LTBP1: variants seen among roughly 807,000 people sequenced by gnomAD.
LTBP1 encodes latent transforming growth factor beta binding protein 1, also known as latent-transforming growth factor beta-binding protein 1.
A neutral mutation model predicts 207.6 loss-of-function variants in LTBP1; 129 were observed. That is an observed-to-expected ratio of 0.62 (90% confidence interval 0.54 to 0.72). LTBP1 has a LOEUF of 0.72. Ranked by LOEUF, LTBP1 falls within the 30% of genes least tolerant of loss-of-function variation. The probability of loss-of-function intolerance (pLI) is 0.00; values close to 1 mark genes in which losing one functional copy is unlikely to be tolerated. For synonymous variants in LTBP1, 963 were observed against 833.7 expected (o/e 1.16, Z -2.67); for missense variants, 2,281 against 2,217.2 (o/e 1.03, Z -0.58).
rs182555716 is a variant in LTBP1 at position 33,189,003 on chromosome 2, G to A, written c.1701+152G>A. On this transcript the variant is annotated intron_variant, in intron 7 of 33. Transcript: ENST00000404816. ...ATATTTTTGTAAATAAAGTTTTATTGCCACACTCATAGCCACACTTATTCA... is the reference window on the plus strand; with the variant it reads ...ATATTTTTGTAAATAAAGTTTTATTACCACACTCATAGCCACACTTATTCA... The A allele has an allele frequency of 6.9e-5, 59 of 850,980 alleles. No individual in the cohort carries two copies. The Admixed American group carries it at 1.7e-3, about 24-fold the overall frequency. 52.7% of individuals were successfully genotyped at this position (850,980 alleles called of 1,614,324 possible). A position where few individuals can be genotyped will look rare whatever the true frequency, so the allele number is the denominator to read the frequency against.
At chr2:33,003,274 G>A (rs773338610) in intron 2 of LTBP1, among the ~76,000 whole-genome samples, 7 of 152,216 alleles carry the variant, frequency 4.6e-5, no homozygotes, top group Non-Finnish European at 1.0e-4. Context: ...ATTTGCAAGA[G>A]TAATTTTGAC....
chr2:32,971,980 C>T (rs1382463369), intron 2 of LTBP1, among the ~76,000 whole-genome samples: 2 of 152,164 alleles, frequency 1.3e-5, no homozygotes, highest in South Asian at 2.1e-4. Flanking sequence ...TTTCAGAACT[C>T]GTTTTTGGTC....
Position 33,134,466 on chromosome 2 carries a change from A to C in LTBP1, c.1034-327A>C. ...CTCTTTAATCTGTCGTGCCCTCGGT[A>C]TTGCTCTTTGTCTGCCCGTGAATAA... On this transcript the variant is annotated intron_variant, in intron 4 of 33. Coordinates refer to ENST00000404816, the MANE Select transcript of LTBP1 (RefSeq NM_206943.4). The surrounding 1 kb of genome is among the most constrained non-coding windows in gnomAD (Gnocchi z 4.4). The C allele has an allele frequency of 9.7e-7, 1 of 1,028,944 alleles. No homozygotes were observed. Among genetic ancestry groups the C allele is most frequent in the Non-Finnish European group, 1.4e-6 (1 of 713,142 alleles). 63.7% of individuals were successfully genotyped at this position (1,028,944 alleles called of 1,614,324 possible). A position where few individuals can be genotyped will look rare whatever the true frequency, so the allele number is the denominator to read the frequency against.
At chr2:33,353,984 C>T (rs977732723) in intron 26 of LTBP1, among the ~76,000 whole-genome samples, 7 of 151,940 alleles carry the variant, frequency 4.6e-5, no homozygotes, top group Non-Finnish European at 8.8e-5. Context: ...CTCAGCCTCC[C>T]GAGTAGCTGG....
intron 5 of LTBP1, among the ~76,000 whole-genome samples, chr2:33,148,290 T>G (rs1042303020): frequency 6.6e-6 from 1 of 152,246 alleles, no homozygotes; most frequent in Non-Finnish European, 1.5e-5. Flanking sequence ...TACACTTGAA[T>G]TAATTGAATG....
chr2:33,224,635 A>T (rs2091330918), intron 9 of LTBP1, among the ~76,000 whole-genome samples: 1 of 152,174 alleles, frequency 6.6e-6, no homozygotes, highest in Non-Finnish European at 1.5e-5. Flanking sequence ...ATTTCCCATT[A>T]CTACTTTGTG....
At chr2:33,053,159 C>A (rs939344059) in intron 3 of LTBP1, among the ~76,000 whole-genome samples, 1 of 152,204 alleles carries the variant, frequency 6.6e-6, no homozygotes, top group African/African-American at 2.4e-5. Context: ...GCGTAAGCCA[C>A]CGCGCCTGGC....
intron 31 of LTBP1, among the ~76,000 whole-genome samples, chr2:33,378,183 A>ATGTGTGTGTGTGTG (rs1196073958): frequency 0.015 from 2,006 of 136,084 alleles, 21 homozygotes; most frequent in Non-Finnish European, 0.023. Flanking sequence ...ATATATATAT[A>ATGTGTGTGTGTGTG]TATGTGTGTG....
chr2:33,177,466 A>G (rs13404181), intron 5 of LTBP1, among the ~76,000 whole-genome samples: 8,501 of 152,228 alleles, frequency 0.056, 769 homozygotes, highest in African/African-American at 0.19. Flanking sequence ...CCTGGCCAAC[A>G]TGGTGAAACC....
chr2:33,265,202 TG>T (rs1217022243), intron 15 of LTBP1, among the ~76,000 whole-genome samples: 1 of 152,202 alleles, frequency 6.6e-6, no homozygotes, highest in African/African-American at 2.4e-5. Context: ...CAGAAATATG[TG>T]ATCAGCTATC....
At chr2:33,368,259 G>A (rs558824488) in intron 31 of LTBP1, among the ~76,000 whole-genome samples, 47 of 152,176 alleles carry the variant, frequency 3.1e-4, no homozygotes, top group African/African-American at 1.1e-3. Flanking sequence ...AGCCTTTATG[G>A]AAAACAGTAT....
In LTBP1 at chr2:33,303,352, C is replaced by CTTTTTTT. The variant is rs762959638; in HGVS notation, c.3481+1718_3481+1724dup. Among the ~76,000 whole-genome samples, 7 of 132,944 alleles carry CTTTTTTT rather than the reference C, an allele frequency of 5.3e-5. No individual in the cohort carries two copies. The East Asian group carries it at 1.5e-3, about 29-fold the overall frequency. 87.2% of individuals were successfully genotyped at this position (132,944 alleles called of 152,430 possible). A position where few individuals can be genotyped will look rare whatever the true frequency, so the allele number is the denominator to read the frequency against. ...GATCATCAGGCATTAGTTAGATTTT[C>CTTTTTTT]TTTTTTTTTTTTTTTTGAGACGGAA... On this transcript the variant is annotated intron_variant, in intron 22 of 33. Transcript: ENST00000404816.
At chr2:33,058,807 A>G (rs978865563) in intron 3 of LTBP1, among the ~76,000 whole-genome samples, 2 of 152,200 alleles carry the variant, frequency 1.3e-5, no homozygotes, top group Non-Finnish European at 2.9e-5. Flanking sequence ...TCTTTTGAGA[A>G]TGGTACCTTA....
rs775831670 is a variant in LTBP1 at position 33,315,177 on chromosome 2, G to A, written c.3638G>A (p.Gly1213Asp). 5 of 1,610,782 alleles carry A rather than the reference G, an allele frequency of 3.1e-6. No homozygotes were observed. In the South Asian group the frequency reaches 4.4e-5, roughly 14 times the overall value. Residue 1213 changes from glycine (G) to aspartate (D), a missense_variant, in exon 24 of 34, where the codon GGT becomes GAT. Gly to Asp is a moderately conservative substitution (Grantham distance 94). Coordinates refer to ENST00000404816, the MANE Select transcript of LTBP1 (RefSeq NM_206943.4). The part of the protein sequence containing the change: ...INECEHPGLC[G>D]PQGECLNTEG... ...GAATGTGAACATCCAGGGCTCTGTGGTCCGCAAGGGGAGTGCCTAAACACA... is the reference window on the plus strand; with the variant it reads ...GAATGTGAACATCCAGGGCTCTGTGATCCGCAAGGGGAGTGCCTAAACACA...
At chr2:33,088,460 A>G (rs1409810567) in intron 3 of LTBP1, among the ~76,000 whole-genome samples, 12 of 149,810 alleles carry the variant, frequency 8.0e-5, no homozygotes, top group Admixed American at 6.7e-4. Flanking sequence ...TCAAAAAAAG[A>G]AAAAAAAAAG....
At chr2:33,156,167 C>T (rs1000794572) in intron 5 of LTBP1, among the ~76,000 whole-genome samples, 7 of 152,114 alleles carry the variant, frequency 4.6e-5, no homozygotes, top group Non-Finnish European at 8.8e-5. Context: ...AAACTAAGGC[C>T]CGAAGAGGTT....
At chr2:33,317,592 G>A (rs561831526) in intron 24 of LTBP1, 1 of 152,344 alleles carries the variant, frequency 6.6e-6, no homozygotes. Context: ...TGAGGCTGAT[G>A]TGTGATTGAA....
rs78320223 is a variant in LTBP1, at chr2:33,141,122, G to A, written c.1201+6162G>A. Among the ~76,000 whole-genome samples, 6 of 152,234 alleles carry A rather than the reference G, an allele frequency of 3.9e-5. No individual in the cohort carries two copies. In the East Asian group the frequency reaches 7.7e-4, roughly 20 times the overall value. On this transcript the variant is annotated intron_variant, in intron 5 of 33. Transcript: ENST00000404816. Reference sequence around the variant, plus strand: ...TAAATAAAAGTCCTTGCCCTCCTCCGGCATTACAAAAACAGTGTGGCTACA... The same window carrying A: ...TAAATAAAAGTCCTTGCCCTCCTCCAGCATTACAAAAACAGTGTGGCTACA...
intron 2 of LTBP1, among the ~76,000 whole-genome samples, chr2:32,971,626 C>T (rs1680895194): frequency 6.6e-6 from 1 of 152,186 alleles, no homozygotes; most frequent in Admixed American, 6.5e-5. Context: ...ACCAGCCTTA[C>T]ATCCCAGCGA....
Sources: gnomAD v4.1 joint callset for allele counts (sites outside exome capture counted in the v4.1 genomes callset) on GRCh38, gnomAD v4.1.1 for gene constraint, Gnocchi (gnomAD v3.1) non-coding constraint, MANE v1.5 for transcripts, NCBI Gene and HGNC (gene_info 2026-07-23, HGNC 2026-07-21) for gene names.